PTPRR: variants seen among roughly 807,000 people sequenced by gnomAD.
The protein encoded by PTPRR is receptor-type tyrosine-protein phosphatase R.
In PTPRR, 38 loss-of-function variants were observed where a neutral mutation model predicts 77.2. The ratio of observed to expected loss-of-function variants is 0.49; its 90% CI spans 0.38 to 0.65. The LOEUF (loss-of-function observed/expected upper bound fraction) is 0.65, where lower values mean the gene tolerates loss of function less well. Ranked by LOEUF, PTPRR falls within the 30% of genes least tolerant of loss-of-function variation. The pLI is 0.00. For synonymous variants in PTPRR, 299 were observed against 283.1 expected, an observed-to-expected ratio of 1.06 and a Z score of -0.57; for missense variants, 744 against 799.2, an observed-to-expected ratio of 0.93 and a Z score of 0.83.
chr12:70,672,432 C>T (rs1019172641), intron 10 of PTPRR: 16 of 1,107,504 alleles, frequency 1.4e-5, no homozygotes, highest in East Asian at 1.2e-4. Flanking sequence ...AAGGCAAGCA[C>T]ATCAAGGCCA....
At chr12:70,918,096 A>G (rs1315012896) in intron 1 of PTPRR, among the ~76,000 whole-genome samples, 1 of 152,138 alleles carries the variant, frequency 6.6e-6, no homozygotes, top group African/African-American at 2.4e-5. Flanking sequence ...CCATCCACTT[A>G]TTTTCTTAAT....
intron 2 of PTPRR, among the ~76,000 whole-genome samples, chr12:70,840,594 A>G (rs1462601622): frequency 6.6e-6 from 1 of 152,136 alleles, no homozygotes; most frequent in East Asian, 1.9e-4. Context: ...TCGCTTTTTT[A>G]ACTTGACCTT....
At chr12:70,692,089 A>C (rs551757039) in intron 8 of PTPRR, among the ~76,000 whole-genome samples, 1 of 152,316 alleles carries the variant, frequency 6.6e-6, no homozygotes, top group South Asian at 2.1e-4. Context: ...AATATGGGAA[A>C]CATTGGGTTA....
At position 70,788,953 on chromosome 12, in the gene PTPRR, T is replaced by C. The variant is rs531068116; in HGVS notation, c.358-24175A>G. On this transcript the variant is annotated intron_variant, in intron 2 of 13. Transcript: ENST00000283228. ...TGTGCTGAGATGAAGCCTCATTTAG[T>C]CACCTGGAGGTAACCGCCTGGTACT... The C allele has an allele frequency of 1.0e-5, 14 of 1,365,814 alleles. 1 individual carries two copies. In the South Asian group the frequency reaches 1.4e-4, roughly 13 times the overall value. 84.6% of individuals were successfully genotyped at this position (1,365,814 alleles called of 1,614,324 possible). A position where few individuals can be genotyped will look rare whatever the true frequency, so the allele number is the denominator to read the frequency against.
chr12:70,646,882 T>C (rs549797992), intron 13 of PTPRR, among the ~76,000 whole-genome samples: 1 of 152,098 alleles, frequency 6.6e-6, no homozygotes, highest in Non-Finnish European at 1.5e-5. Context: ...AAAAAATATG[T>C]TGGGGACATA....
chr12:70,656,776 A>G lies in PTPRR; in HGVS notation c.1808T>C (p.Ile603Thr), dbSNP rs758591651. 3.1e-6 allele frequency: 5 copies of G among 1,613,822 alleles called. No individual in the cohort carries two copies. In the Admixed American group the frequency reaches 5.0e-5, roughly 16 times the overall value. ...TTCTTCTTTCAGCTGTTGACAGCCA[A>G]TGGATGTAGCAATAAAACACCCTGT... ...GRTGCFIATS[I>T]GCQQLKEEGV... The change falls in exon 13 of 14, where the codon ATT becomes ACT. Residue 603 changes from isoleucine to threonine, a missense_variant. Physicochemically the swap from Ile to Thr is moderately conservative, Grantham distance 89. Around this residue, in one of 3 missense-constraint regions of PTPRR, gnomAD observed 170 missense variants for 209.8 expected, o/e 0.81. Coordinates refer to ENST00000283228, the MANE Select transcript of PTPRR (RefSeq NM_002849.4).
chr12:70,884,316 T>A (rs375055737), intron 2 of PTPRR, among the ~76,000 whole-genome samples: 66 of 152,248 alleles, frequency 4.3e-4, no homozygotes, highest in African/African-American at 1.5e-3. Context: ...TTAACTGAAC[T>A]ATTGAATAGT....
At chr12:70,888,451 T>G (rs71454299) in intron 2 of PTPRR, among the ~76,000 whole-genome samples, 1 of 152,168 alleles carries the variant, frequency 6.6e-6, no homozygotes, top group Non-Finnish European at 1.5e-5. Context: ...TTTGCATGCA[T>G]GTACTTTCAG....
At chr12:70,847,292 T>C (rs1316432975) in intron 2 of PTPRR, among the ~76,000 whole-genome samples, 1 of 152,206 alleles carries the variant, frequency 6.6e-6, no homozygotes, top group Non-Finnish European at 1.5e-5. Context: ...CATTAATTGT[T>C]AGCTCATTAC....
At chr12:70,861,280 C>T (rs1892748893) in intron 2 of PTPRR, among the ~76,000 whole-genome samples, 1 of 152,102 alleles carries the variant, frequency 6.6e-6, no homozygotes, top group Non-Finnish European at 1.5e-5. Flanking sequence ...TCTCATAGCA[C>T]AGTCTCTGAG....
intron 1 of PTPRR, among the ~76,000 whole-genome samples, chr12:70,914,454 C>T (rs11178485): frequency 0.58 from 87,879 of 151,982 alleles, 27,428 homozygotes; most frequent in African/African-American, 0.83. Flanking sequence ...GGATCTGTCT[C>T]AAGGCAGTGA....
chr12:70,673,941 AT>A lies in PTPRR; in HGVS notation c.1497+10185del, dbSNP rs983865414. Among the ~76,000 whole-genome samples the A allele has an allele frequency of 1.1e-4, 16 of 151,976 alleles. No homozygotes were observed. The East Asian group carries it at 1.9e-3, about 18-fold the overall frequency. ...TTGTTTACATCAATCCTTTTTAAAA[AT>A]TTTTTTTAAGGCAGGGTCTCATTTT... On this transcript the variant is annotated intron_variant, in intron 10 of 13. Coordinates refer to ENST00000283228, the MANE Select transcript of PTPRR (RefSeq NM_002849.4).
At chr12:70,644,380 T>C (rs1368569445) in intron 13 of PTPRR, among the ~76,000 whole-genome samples, 1 of 152,136 alleles carries the variant, frequency 6.6e-6, no homozygotes, top group African/African-American at 2.4e-5. Flanking sequence ...CCCAGCTAGC[T>C]GAGAGAATGG....
chr12:70,703,161 G>C (rs544365446), intron 6 of PTPRR, among the ~76,000 whole-genome samples: 1 of 151,680 alleles, frequency 6.6e-6, no homozygotes, highest in Non-Finnish European at 1.5e-5. Context: ...TGTGTTATTT[G>C]AAGGGATTTA....
chr12:70,693,759 CACT>C (rs980302344), intron 8 of PTPRR, among the ~76,000 whole-genome samples: 1 of 151,692 alleles, frequency 6.6e-6, no homozygotes, highest in Non-Finnish European at 1.5e-5. Flanking sequence ...TCGTTTTCAT[CACT>C]ACTGTTATAA....
intron 2 of PTPRR, among the ~76,000 whole-genome samples, chr12:70,876,102 A>T (rs1893047643): frequency 6.6e-6 from 1 of 152,148 alleles, no homozygotes; most frequent in Non-Finnish European, 1.5e-5. Context: ...AAAAATAATA[A>T]TTTGGTAATT....
At chr12:70,655,464 T>G (rs1886541696) in intron 13 of PTPRR, among the ~76,000 whole-genome samples, 1 of 152,210 alleles carries the variant, frequency 6.6e-6, no homozygotes, top group Non-Finnish European at 1.5e-5. Flanking sequence ...AGCAGCAGTA[T>G]TCACAATAGT....
chr12:70,794,671 G>A (rs753448866), intron 2 of PTPRR, among the ~76,000 whole-genome samples: 6 of 152,178 alleles, frequency 3.9e-5, no homozygotes, highest in Admixed American at 6.5e-5. Context: ...GAGGGCCTCC[G>A]ACAGCTGATC....
chr12:70,798,291 T>A (rs950397889), intron 2 of PTPRR, among the ~76,000 whole-genome samples: 16 of 152,204 alleles, frequency 1.1e-4, no homozygotes, highest in African/African-American at 3.9e-4. Flanking sequence ...GTCTCCACTG[T>A]CAGCACCAAA....
Sources: allele counts gnomAD v4.1 joint callset (sites outside exome capture counted in the v4.1 genomes callset), GRCh38; gene constraint gnomAD v4.1.1; regional missense constraint gnomAD v4.1.1; transcripts MANE v1.5; gene names NCBI Gene and HGNC (gene_info 2026-07-23, HGNC 2026-07-21).